TLN2: variants seen among roughly 807,000 people sequenced by gnomAD.
TLN2 encodes the protein talin 2, also known as talin-2.
Under a neutral mutation model 294.7 loss-of-function variants are expected in TLN2, and 118 were observed. The ratio of observed to expected loss-of-function variants is 0.40; its 90% CI spans 0.34 to 0.47. TLN2 has a LOEUF of 0.47. TLN2 is among the 20% of genes least tolerant of loss of function. The pLI is 0.84. For synonymous variants in TLN2, 1,431 were observed against 1,304.5 expected (o/e 1.10, Z -2.09); for missense variants, 3,083 against 3,282.2 (o/e 0.94, Z 1.48).
intron 1 of TLN2, among the ~76,000 whole-genome samples, chr15:62,510,422 T>C (rs1362989392): frequency 6.6e-6 from 1 of 152,216 alleles, no homozygotes; most frequent in Non-Finnish European, 1.5e-5. Context: ...GCTTACCTTA[T>C]GCAGTAGTTG....
intron 1 of TLN2, among the ~76,000 whole-genome samples, chr15:62,502,284 T>C (rs1198257779): frequency 6.6e-6 from 1 of 152,258 alleles, no homozygotes; most frequent in Non-Finnish European, 1.5e-5. Flanking sequence ...TTTGACAGCT[T>C]TTCTCAAATG....
intron 2 of TLN2, among the ~76,000 whole-genome samples, chr15:62,594,487 C>T (rs779430245): frequency 1.2e-4 from 18 of 152,174 alleles, no homozygotes; most frequent in Admixed American, 1.3e-4. Context: ...GGATTACAGA[C>T]GTAGCCACCA....
chr15:62,755,822 TTG>T, intron 37 of TLN2, 129 bp downstream of exon 37: 2 of 1,269,668 alleles, frequency 1.6e-6, no homozygotes, highest in Non-Finnish European at 2.2e-6. Flanking sequence ...GTCTTATGGT[TTG>T]TGTCACTGAA....
intron 37 of TLN2, 120 bp from the exon 38 acceptor site, chr15:62,761,561 T>C: frequency 7.2e-7 from 1 of 1,384,508 alleles, no homozygotes; most frequent in Non-Finnish European, 9.9e-7. Flanking sequence ...GTTTATGAAG[T>C]CACCAGAGAT....
At position 62,696,959 on chromosome 15, in the gene TLN2, T is replaced by C. The variant is rs80070630; in HGVS notation, c.1293-729T>C. Among the ~76,000 whole-genome samples the C allele has an allele frequency of 3.8e-3, 583 of 152,310 alleles. 5 individuals carry two copies. The highest frequency in any genetic ancestry group is 0.024 in the Middle Eastern group (7 of 294). ...TCAAGCTAAAGATAAATGATCTGTA[T>C]CTCTGATGCCTAGAATGGAACCTGG... On this transcript the variant is annotated intron_variant, in intron 14 of 58. Coordinates refer to ENST00000636159, the MANE Select transcript of TLN2 (RefSeq NM_015059.3).
chr15:62,651,272 G>A (rs2052557050), intron 5 of TLN2, among the ~76,000 whole-genome samples: 1 of 152,216 alleles, frequency 6.6e-6, no homozygotes, highest in East Asian at 1.9e-4. Flanking sequence ...TTCAGTAATT[G>A]TAAGGCATAA....
chr15:62,549,891 C>T (rs937943124), intron 1 of TLN2, among the ~76,000 whole-genome samples: 16 of 152,046 alleles, frequency 1.1e-4, no homozygotes, highest in Non-Finnish European at 2.2e-4. Context: ...TAAATAGCTG[C>T]GAGGTGGAGT....
At chr15:62,757,788 A>G (rs1424732887) in intron 37 of TLN2, among the ~76,000 whole-genome samples, 1 of 152,150 alleles carries the variant, frequency 6.6e-6, no homozygotes, top group Non-Finnish European at 1.5e-5. Context: ...GAGCAATGCA[A>G]GAGGAACAGA....
At chr15:62,735,733 T>G (rs2060974880) in intron 28 of TLN2, among the ~76,000 whole-genome samples, 1 of 152,214 alleles carries the variant, frequency 6.6e-6, no homozygotes, top group Non-Finnish European at 1.5e-5. Context: ...CTCCTAGGTT[T>G]ATATCTAAGA....
chr15:62,727,029 G>T, intron 27 of TLN2, 58 bp from the exon 28 acceptor site: 1 of 1,539,886 alleles, frequency 6.5e-7, no homozygotes, highest in Admixed American at 1.8e-5. Flanking sequence ...ATTATTTTAA[G>T]ACCTCAGCAG....
At chr15:62,403,298 T>G (rs2033159367) in intron 1 of TLN2, among the ~76,000 whole-genome samples, 1 of 152,272 alleles carries the variant, frequency 6.6e-6, no homozygotes, top group Non-Finnish European at 1.5e-5. Context: ...TGTTCTTCCA[T>G]TCCTCTACAT....
chr15:62,739,479 T>A lies in TLN2; in HGVS notation c.3819T>A (p.Ser1273=). ...AGAGTGGAGAGTTGGCTGCAGCCTCTGGAAAGTTCAGTGATGATTTTGATG... is the reference window on the plus strand; with the variant it reads ...AGAGTGGAGAGTTGGCTGCAGCCTCAGGAAAGTTCAGTGATGATTTTGATG... ...RGQSGELAAA[S]GKFSDDFDEF... Residue 1273 remains serine (S), a synonymous_variant, in exon 31 of 59, where the codon TCT becomes TCA. Transcript: ENST00000636159. 1 of 1,614,182 alleles carries A rather than the reference T, an allele frequency of 6.2e-7. No homozygotes were observed. Among genetic ancestry groups the A allele is most frequent in the Non-Finnish European group, 8.5e-7 (1 of 1,180,030 alleles).
At chr15:62,670,865 T>G (rs564882782) in intron 9 of TLN2, among the ~76,000 whole-genome samples, 2 of 152,326 alleles carry the variant, frequency 1.3e-5, no homozygotes, top group African/African-American at 4.8e-5. Flanking sequence ...CTACCAAACT[T>G]TTTTACAGCA....
At chr15:62,755,306 A>G in intron 36 of TLN2, 1 of 512,882 alleles carries the variant, frequency 1.9e-6, no homozygotes. Flanking sequence ...CTATCCCACC[A>G]CTATGTCAGC....
chr15:62,399,913 G>A (rs1215817906), intron 1 of TLN2, among the ~76,000 whole-genome samples: 1 of 152,170 alleles, frequency 6.6e-6, no homozygotes, highest in Non-Finnish European at 1.5e-5. Flanking sequence ...TAGGGGGACT[G>A]TTGGAAAGGC....
intron 23 of TLN2, 79 bp from the exon 24 acceptor site, chr15:62,717,497 C>T: frequency 1.0e-6 from 1 of 998,856 alleles, no homozygotes; most frequent in South Asian, 2.6e-5. Context: ...CCTGTCCTGA[C>T]TCTGTGGTGG....
chr15:62,662,026 A>G (rs1456431508), intron 9 of TLN2, among the ~76,000 whole-genome samples: 1 of 152,192 alleles, frequency 6.6e-6, no homozygotes, highest in African/African-American at 2.4e-5. Flanking sequence ...AATTTAACAT[A>G]CTTCCCTCAG....
intron 1 of TLN2, among the ~76,000 whole-genome samples, chr15:62,576,930 C>G (rs1367911313): frequency 6.6e-6 from 1 of 151,940 alleles, no homozygotes; most frequent in African/African-American, 2.4e-5. Flanking sequence ...GGTTTTAGCC[C>G]CAGGGAGTGA....
chr15:62,638,664 T>G, intron 3 of TLN2: 1 of 455,690 alleles, frequency 2.2e-6, no homozygotes, highest in South Asian at 1.6e-5. Flanking sequence ...ATCATTCTTG[T>G]ATTCCATGTT....
Sources: gnomAD v4.1 joint callset for allele counts (sites outside exome capture counted in the v4.1 genomes callset) on GRCh38, gnomAD v4.1.1 for gene constraint, MANE v1.5 for transcripts, NCBI Gene and HGNC (gene_info 2026-07-23, HGNC 2026-07-21) for gene names.